Variants in SLC2A13 observed in about 807,000 individuals in gnomAD.
The protein encoded by SLC2A13 is proton myo-inositol cotransporter.
A neutral mutation model predicts 64.4 loss-of-function variants in SLC2A13; 32 were observed. The ratio of observed to expected loss-of-function variants is 0.50; its 90% CI spans 0.37 to 0.67. The LOEUF is 0.67. Ranked by LOEUF, SLC2A13 falls within the 30% of genes least tolerant of loss-of-function variation. The pLI, the probability that SLC2A13 is intolerant of heterozygous loss-of-function variation, is 0.00. For synonymous variants in SLC2A13, 338 were observed against 327.1 expected, an observed-to-expected ratio of 1.03 and a Z score of -0.36; for missense variants, 743 against 829.2, an observed-to-expected ratio of 0.90 and a Z score of 1.28.
intron 7 of SLC2A13, among the ~76,000 whole-genome samples, chr12:39,797,743 C>T (rs74086709): frequency 0.34 from 3,415 of 10,186 alleles, 152 homozygotes; most frequent in African/African-American, 0.44. Flanking sequence ...CACACACACA[C>T]ACACACACAC....
intron 4 of SLC2A13, among the ~76,000 whole-genome samples, chr12:39,914,701 A>G (rs1945494015): frequency 6.6e-6 from 1 of 151,944 alleles, no homozygotes. Flanking sequence ...TACATTTGGT[A>G]TATCAAACCA....
intron 3 of SLC2A13, among the ~76,000 whole-genome samples, chr12:39,979,507 C>T (rs1290268385): frequency 3.4e-5 from 5 of 148,916 alleles, no homozygotes; most frequent in African/African-American, 1.2e-4. Context: ...AGCCAAGGCT[C>T]GAGAACTACG....
In SLC2A13 at chr12:40,030,894, C is replaced by T. The variant is rs554213600; in HGVS notation, c.717-2385G>A. Among the ~76,000 whole-genome samples the T allele has an allele frequency of 6.6e-5, 10 of 152,248 alleles. No individual in the cohort carries two copies. The South Asian group carries it at 1.9e-3, about 28-fold the overall frequency. On this transcript the variant is annotated intron_variant, in intron 2 of 9. Transcript: ENST00000280871. ...AGTCTGGGTCCGAAATGTACAATTC[C>T]GTTGCCCTAACGTGTGGAAAAGGAA...
chr12:40,048,158 ATTGGGTGG>A lies in SLC2A13; in HGVS notation c.601_608del (p.Pro201PhefsTer9). Reference sequence around the variant, plus strand: ...TAATGGTGACTAATCGGCCTCTTAAATTGGGTGGTGAGACCTCCGCAATGTACACTGGC... The same window carrying A: ...TAATGGTGACTAATCGGCCTCTTAAATGAGACCTCCGCAATGTACACTGGC... On this transcript the variant is annotated frameshift_variant, in exon 2 of 10. Transcript: ENST00000280871. LOFTEE classifies it high-confidence loss of function. The A allele has an allele frequency of 1.2e-6, 2 of 1,613,654 alleles. No homozygotes were observed. Among genetic ancestry groups the A allele is most frequent in the Non-Finnish European group, 1.7e-6 (2 of 1,179,744 alleles).
chr12:40,067,069 T>C (rs966270563), intron 1 of SLC2A13, among the ~76,000 whole-genome samples: 5 of 152,190 alleles, frequency 3.3e-5, no homozygotes, highest in East Asian at 1.9e-4. Context: ...TATGTAACCA[T>C]GGGAAAATGA....
intron 3 of SLC2A13, among the ~76,000 whole-genome samples, chr12:39,969,843 C>G (rs1946609593): frequency 6.6e-6 from 1 of 152,112 alleles, no homozygotes. Context: ...GTTGCCATTG[C>G]TTTTGGTGTT....
At chr12:40,079,722 G>C (rs758861042) in intron 1 of SLC2A13, among the ~76,000 whole-genome samples, 2 of 152,160 alleles carry the variant, frequency 1.3e-5, no homozygotes, top group Non-Finnish European at 2.9e-5. Context: ...TTATTATTGT[G>C]TGGTTATCTA....
chr12:40,072,759 T>C (rs866669768), intron 1 of SLC2A13, among the ~76,000 whole-genome samples: 1 of 152,138 alleles, frequency 6.6e-6, no homozygotes, highest in African/African-American at 2.4e-5. Flanking sequence ...TGTATTTATA[T>C]TTAAAGAGTT....
chr12:39,861,909 G>A (rs1324954196), intron 6 of SLC2A13, among the ~76,000 whole-genome samples: 4 of 152,028 alleles, frequency 2.6e-5, no homozygotes, highest in Admixed American at 6.5e-5. Flanking sequence ...ACATGTGCAG[G>A]ACGTGCAGGT....
At chr12:40,070,662 G>T (rs549915308) in intron 1 of SLC2A13, among the ~76,000 whole-genome samples, 1 of 152,214 alleles carries the variant, frequency 6.6e-6, no homozygotes, top group East Asian at 1.9e-4. Flanking sequence ...CATCCAACAA[G>T]ATCCTTTTTG....
In SLC2A13 at chr12:40,028,248, A is replaced by G. The variant is rs1947851382; in HGVS notation, c.925+53T>C. ...ACACACACGCACACAAAATAATGACAAATAAGACCACTGTATAGTTTTTAA... is the reference window on the plus strand; with the variant it reads ...ACACACACGCACACAAAATAATGACGAATAAGACCACTGTATAGTTTTTAA... On this transcript the variant is annotated intron_variant, in intron 3 of 9. Transcript: ENST00000280871. The G allele has an allele frequency of 1.0e-5, 14 of 1,344,844 alleles. No individual in the cohort carries two copies. The South Asian group carries it at 1.8e-4, about 17-fold the overall frequency. The allele number at this position is 1,344,844 out of a possible 1,614,324, so 83.3% of individuals were successfully genotyped here.
At chr12:39,991,433 A>C (rs1947136882) in intron 3 of SLC2A13, among the ~76,000 whole-genome samples, 1 of 152,164 alleles carries the variant, frequency 6.6e-6, no homozygotes, top group South Asian at 2.1e-4. Flanking sequence ...TTAAGTAGAC[A>C]CAGGAGGCAG....
At chr12:39,819,030 T>C (rs1942417140) in intron 7 of SLC2A13, among the ~76,000 whole-genome samples, 1 of 152,120 alleles carries the variant, frequency 6.6e-6, no homozygotes, top group Non-Finnish European at 1.5e-5. Context: ...AATCATAGTT[T>C]TCAGACAACC....
chr12:39,760,082 G>A lies in SLC2A13; in HGVS notation c.1891C>T (p.Arg631Trp), dbSNP rs141841078. 3.1e-6 allele frequency: 5 copies of A among 1,612,502 alleles called. No homozygotes were observed. The highest frequency in any genetic ancestry group is 1.3e-5 in the African/African-American group (1 of 74,756). Residue 631 changes from arginine (R) to tryptophan (W), a missense_variant, in exon 10 of 10, where the codon CGG (arginine) becomes TGG (tryptophan). Transcript: ENST00000280871. ...AGATGATAGTTACTTCCCTTTACCCGAATATATTCAATATATCTCCCTTCA... is the reference window on the plus strand; with the variant it reads ...AGATGATAGTTACTTCCCTTTACCCAAATATATTCAATATATCTCCCTTCA... ...SDEGRYIEYI[R>W]VKGSNYHLSD...
At chr12:39,862,121 T>C (rs1404191625) in intron 6 of SLC2A13, among the ~76,000 whole-genome samples, 2 of 152,184 alleles carry the variant, frequency 1.3e-5, no homozygotes, top group African/African-American at 4.8e-5. Context: ...CATTCTTTAA[T>C]ACATTCAGTC....
At chr12:39,918,343 A>G (rs1458532118) in intron 4 of SLC2A13, among the ~76,000 whole-genome samples, 3 of 145,822 alleles carry the variant, frequency 2.1e-5, no homozygotes, top group Admixed American at 7.2e-5. Context: ...GCATGAATGT[A>G]TAACAGAACA....
intron 7 of SLC2A13, among the ~76,000 whole-genome samples, chr12:39,812,657 G>C (rs1006382783): frequency 6.6e-6 from 1 of 151,718 alleles, no homozygotes; most frequent in African/African-American, 2.4e-5. Context: ...ATTTTTAGTA[G>C]AGATGAGGTT....
At chr12:40,079,214 G>C (rs932775907) in intron 1 of SLC2A13, among the ~76,000 whole-genome samples, 2 of 152,070 alleles carry the variant, frequency 1.3e-5, no homozygotes, top group Admixed American at 6.6e-5. Context: ...GTGTGATGCT[G>C]GGTTGTTAAT....
At chr12:40,035,534 G>A (rs1005571714) in intron 2 of SLC2A13, among the ~76,000 whole-genome samples, 1 of 152,168 alleles carries the variant, frequency 6.6e-6, no homozygotes, top group African/African-American at 2.4e-5. Context: ...TTGATAATCA[G>A]ATGGCAGCTA....
Sources: gnomAD v4.1 joint callset for allele counts (sites outside exome capture counted in the v4.1 genomes callset) on GRCh38, gnomAD v4.1.1 for gene constraint, MANE v1.5 for transcripts, NCBI Gene and HGNC (gene_info 2026-07-23, HGNC 2026-07-21) for gene names.